SEMA3A: variants seen among roughly 807,000 people sequenced by gnomAD.
The protein encoded by SEMA3A is semaphorin 3A, also known as semaphorin-3A.
SEMA3A carries 29 observed loss-of-function variants against 97.9 expected under a neutral mutation model. The observed-to-expected ratio is 0.30, with a 90% CI of 0.22 to 0.40. The LOEUF (loss-of-function observed/expected upper bound fraction) is 0.40. Among genes scored for constraint, SEMA3A ranks in the 10% least tolerant of loss-of-function variants. SEMA3A has a pLI of 1.00. For missense variants in SEMA3A, 763 were observed against 951.3 expected (o/e 0.80, Z 2.60); for synonymous variants, 321 against 323.7 (o/e 0.99, Z 0.09).
At chr7:84,218,001 G>GAA (rs568754977) in intron 3 of SEMA3A, among the ~76,000 whole-genome samples, 3 of 146,106 alleles carry the variant, frequency 2.1e-5, no homozygotes, top group Non-Finnish European at 4.5e-5. Flanking sequence ...CTCTGGTTAG[G>GAA]AAAAAAAAAA....
chr7:84,216,157 GGCTCACTGCCACCATCTTT>G (rs1298132215), intron 3 of SEMA3A, among the ~76,000 whole-genome samples: 1 of 152,028 alleles, frequency 6.6e-6, no homozygotes, highest in Non-Finnish European at 1.5e-5. Flanking sequence ...CCACCATCTC[GGCTCACTGCCACCATCTTT>G]GCTCACTGCC....
intron 1 of SEMA3A, among the ~76,000 whole-genome samples, chr7:84,421,947 A>G (rs950729107): frequency 6.6e-6 from 1 of 152,076 alleles, no homozygotes; most frequent in South Asian, 2.1e-4. Context: ...TTTTGCATCA[A>G]TGTTCTTCAG....
chr7:84,216,316 A>G (rs1798755430), intron 3 of SEMA3A, among the ~76,000 whole-genome samples: 1 of 152,144 alleles, frequency 6.6e-6, no homozygotes, highest in Non-Finnish European at 1.5e-5. Context: ...CATGTTGGCC[A>G]GGATGGTCTC....
intron 5 of SEMA3A, among the ~76,000 whole-genome samples, chr7:84,046,932 G>A (rs981685654): frequency 4.6e-5 from 7 of 151,846 alleles, no homozygotes; most frequent in Admixed American, 6.6e-5. Flanking sequence ...TTTCTCAGTA[G>A]GATCTGAATT....
At chr7:84,450,652 T>C (rs1002649639) in intron 1 of SEMA3A, among the ~76,000 whole-genome samples, 4 of 152,198 alleles carry the variant, frequency 2.6e-5, no homozygotes, top group African/African-American at 9.6e-5. Flanking sequence ...ATTTACTTTG[T>C]CTGAATTGTG....
At position 84,060,468 on chromosome 7, in the gene SEMA3A, T is replaced by C. The variant is rs757227118; in HGVS notation, c.544A>G (p.Ile182Val). The C allele has an allele frequency of 3.2e-6, 5 of 1,579,926 alleles. No homozygotes were observed. The highest frequency in any genetic ancestry group is 4.3e-6 in the Non-Finnish European group (5 of 1,166,782). ...TAATTGATTGTTGACTACGCACCTATTAAAAGGGATGCTGTCAGCAGCTTA... is the reference window on the plus strand; with the variant it reads ...TAATTGATTGTTGACTACGCACCTACTAAAAGGGATGCTGTCAGCAGCTTA... ...DPKLLTASLL[I>V]DGELYSGTAA... Residue 182 changes from isoleucine to valine, a missense_variant, in exon 5 of 17, where the codon ATA becomes GTA. By Grantham distance (29) the Ile-to-Val change is conservative. Coordinates refer to ENST00000265362, the MANE Select transcript of SEMA3A (RefSeq NM_006080.3).
At chr7:84,172,798 A>G (rs984085602) in intron 1 of SEMA3A, among the ~76,000 whole-genome samples, 1 of 152,174 alleles carries the variant, frequency 6.6e-6, no homozygotes, top group Non-Finnish European at 1.5e-5. Context: ...AGCAGGCTGG[A>G]TTTAGCCCAC....
At chr7:84,350,198 C>T (rs1047564231) in intron 2 of SEMA3A, among the ~76,000 whole-genome samples, 50 of 152,196 alleles carry the variant, frequency 3.3e-4, no homozygotes, top group African/African-American at 1.2e-3. Context: ...CATACCAATT[C>T]ATATTTCTTA....
In SEMA3A at chr7:84,035,814, T is replaced by A. The variant is rs560175892; in HGVS notation, c.667+10510A>T. Among the ~76,000 whole-genome samples, 6 of 152,076 alleles carry A rather than the reference T, an allele frequency of 3.9e-5. No individual in the cohort carries two copies. In the East Asian group the frequency reaches 1.2e-3, roughly 29 times the overall value. On this transcript the variant is annotated intron_variant, in intron 6 of 16. Transcript: ENST00000265362. ...AACACCAATCTACTTTTCATCTCATTATTTTTTCTATGATTCCTGTTCACA... is the reference window on the plus strand; with the variant it reads ...AACACCAATCTACTTTTCATCTCATAATTTTTTCTATGATTCCTGTTCACA...
intron 6 of SEMA3A, among the ~76,000 whole-genome samples, chr7:84,020,986 G>A (rs1329167799): frequency 6.6e-6 from 1 of 152,136 alleles, no homozygotes; most frequent in Non-Finnish European, 1.5e-5. Flanking sequence ...AGACAAAACT[G>A]ATGTACTGAC....
chr7:84,208,408 T>C (rs78467504), intron 3 of SEMA3A, among the ~76,000 whole-genome samples: 33 of 54,438 alleles, frequency 6.1e-4, no homozygotes, highest in East Asian at 4.1e-3. Flanking sequence ...GCCGAGATCC[T>C]GCCACTGCAG....
intron 3 of SEMA3A, among the ~76,000 whole-genome samples, chr7:84,115,208 C>T (rs1795388932): frequency 6.6e-6 from 1 of 151,956 alleles, no homozygotes; most frequent in South Asian, 2.1e-4. Flanking sequence ...ACCATTAAAC[C>T]TATGATAACT....
At chr7:84,042,503 G>A (rs1792171930) in intron 6 of SEMA3A, among the ~76,000 whole-genome samples, 1 of 151,954 alleles carries the variant, frequency 6.6e-6, no homozygotes, top group South Asian at 2.1e-4. Flanking sequence ...AGTGAGTCAG[G>A]CCAAGCTTCC....
intron 12 of SEMA3A, among the ~76,000 whole-genome samples, chr7:83,996,640 A>T (rs559279418): frequency 4.5e-4 from 69 of 152,282 alleles, no homozygotes; most frequent in Non-Finnish European, 7.9e-4. Context: ...ACACTTTTTA[A>T]AAGTATTTAT....
intron 4 of SEMA3A, among the ~76,000 whole-genome samples, chr7:84,068,580 G>T (rs1293358263): frequency 6.6e-6 from 1 of 152,054 alleles, no homozygotes; most frequent in African/African-American, 2.4e-5. Context: ...GCAGAACGAA[G>T]TGGTAGTGTG....
intron 1 of SEMA3A, among the ~76,000 whole-genome samples, chr7:84,419,556 T>C (rs1312347517): frequency 6.6e-6 from 1 of 150,752 alleles, no homozygotes; most frequent in Non-Finnish European, 1.5e-5. Flanking sequence ...AGTTGAGACC[T>C]AAAATAGACT....
chr7:84,328,885 G>A (rs957675216), intron 2 of SEMA3A, among the ~76,000 whole-genome samples: 11 of 152,002 alleles, frequency 7.2e-5, no homozygotes, highest in African/African-American at 2.7e-4. Flanking sequence ...GTTATACAAA[G>A]TCTCTGGGAA....
At chr7:84,059,853 G>A (rs937756453) in intron 5 of SEMA3A, among the ~76,000 whole-genome samples, 1 of 151,954 alleles carries the variant, frequency 6.6e-6, no homozygotes, top group African/African-American at 2.4e-5. Flanking sequence ...TTTTGTTTGT[G>A]TATTTAGTTA....
At chr7:84,340,370 C>T (rs1802134416) in intron 2 of SEMA3A, among the ~76,000 whole-genome samples, 1 of 152,030 alleles carries the variant, frequency 6.6e-6, no homozygotes, top group South Asian at 2.1e-4. Context: ...TAGAATCATA[C>T]TAAATTCAGA....
Sources: gnomAD v4.1 joint callset for allele counts (sites outside exome capture counted in the v4.1 genomes callset) on GRCh38, gnomAD v4.1.1 for gene constraint, MANE v1.5 for transcripts, NCBI Gene and HGNC (gene_info 2026-07-23, HGNC 2026-07-21) for gene names.